DYNC2H1: variants seen among roughly 807,000 people sequenced by gnomAD.
DYNC2H1 encodes dynein cytoplasmic 2 heavy chain 1, also known as cytoplasmic dynein 2 heavy chain 1.
DYNC2H1 carries 410 observed loss-of-function variants against 570.0 expected under a neutral mutation model. The observed-to-expected ratio is 0.72, with a 90% CI of 0.66 to 0.78. The LOEUF is 0.78. Ranked by LOEUF, DYNC2H1 falls within the 30% of genes least tolerant of loss-of-function variation. DYNC2H1 has a pLI of 0.00. For missense variants in DYNC2H1, 4,865 were observed against 5,046.4 expected (o/e 0.96, Z 1.09); for synonymous variants, 1,688 against 1,677.6 (o/e 1.01, Z -0.15).
Position 103,121,470 on chromosome 11 carries a change from G to A in DYNC2H1, c.1459G>A (p.Val487Ile), listed in dbSNP as rs775753303. The change falls in exon 10 of 89, where the codon GTT becomes ATT. Residue 487 changes from valine (V) to isoleucine (I), a missense_variant. Around this residue, in one of 5 missense-constraint regions of DYNC2H1, gnomAD observed 1,936 missense variants for 1,962.1 expected, o/e 0.99. Coordinates refer to ENST00000375735, the MANE Select transcript of DYNC2H1 (RefSeq NM_001377.3). ...TCTTTCAGAAGTTGTCAACAGTATA[G>A]TTTGGGTTCGCCAGTTGGAATTGAA... ...KNLSEVVNSIVWVRQLELKVD... is the reference protein window; with the variant it reads ...KNLSEVVNSIIWVRQLELKVD... 3.5e-5 allele frequency: 56 copies of A among 1,612,914 alleles called. No homozygotes were observed. In the South Asian group the frequency reaches 4.5e-4, roughly 13 times the overall value.
At chr11:103,421,376 C>A (rs1943483413) in intron 84 of DYNC2H1, among the ~76,000 whole-genome samples, 1 of 152,086 alleles carries the variant, frequency 6.6e-6, no homozygotes, top group Non-Finnish European at 1.5e-5. Flanking sequence ...ATACGACTCT[C>A]CACCCAAAAA....
At chr11:103,423,575 TAAAAAG>T (rs1439264551) in intron 84 of DYNC2H1, among the ~76,000 whole-genome samples, 8 of 151,790 alleles carry the variant, frequency 5.3e-5, no homozygotes, top group African/African-American at 1.9e-4. Context: ...AAATGAACTA[TAAAAAG>T]AAAAAGTGAT....
rs1219823176 is a variant in DYNC2H1, at chr11:103,114,223, G to A, written c.487G>A (p.Glu163Lys). ...TAACTTAACAAAATTGAAATTTAAG[G>A]AAGATGACACACGAGGTATATAACC... ...DTNLTKLKFK[E>K]DDTRGILTPS... The change falls in exon 3 of 89, where the codon GAA becomes AAA. Residue 163 changes from glutamate (E) to lysine (K), a missense_variant. Coordinates refer to ENST00000375735, the MANE Select transcript of DYNC2H1 (RefSeq NM_001377.3). 3 of 1,592,928 alleles carry A rather than the reference G, an allele frequency of 1.9e-6. No individual in the cohort carries two copies. In the East Asian group the frequency reaches 6.8e-5, roughly 36 times the overall value.
chr11:103,441,993 C>G (rs1944287692), intron 85 of DYNC2H1, among the ~76,000 whole-genome samples: 1 of 152,036 alleles, frequency 6.6e-6, no homozygotes, highest in African/African-American at 2.4e-5. Context: ...ACAGCAAGTA[C>G]TCAGTAAAAT....
At chr11:103,373,814 G>A (rs1460257839) in intron 83 of DYNC2H1, among the ~76,000 whole-genome samples, 2 of 152,110 alleles carry the variant, frequency 1.3e-5, no homozygotes, top group African/African-American at 2.4e-5. Context: ...ATATTTCAGT[G>A]TCTGTTTCCT....
chr11:103,456,029 A>C (rs1944773496), intron 86 of DYNC2H1, among the ~76,000 whole-genome samples: 1 of 152,114 alleles, frequency 6.6e-6, no homozygotes, highest in Non-Finnish European at 1.5e-5. Context: ...TGGTCAAAAC[A>C]GGATTTAAAA....
intron 65 of DYNC2H1, among the ~76,000 whole-genome samples, chr11:103,250,965 T>C (rs1565431561): frequency 6.6e-6 from 1 of 152,072 alleles, no homozygotes; most frequent in Non-Finnish European, 1.5e-5. Context: ...GGTTATTTTT[T>C]ATAAATGTTC....
chr11:103,296,529 A>C (rs972443807), intron 75 of DYNC2H1, among the ~76,000 whole-genome samples: 8 of 152,286 alleles, frequency 5.3e-5, no homozygotes, highest in Non-Finnish European at 1.2e-4. Context: ...AGCATTTTTG[A>C]GAAAATAGAA....
At position 103,126,055 on chromosome 11, in the gene DYNC2H1, G is replaced by GT. The variant is rs1353410608; in HGVS notation, c.1857+766dup. ...CTCATATTGTGTCTTGATTTTTTTC[G>GT]TTTTTTCTTTGACTTGATTATTATA... On this transcript the variant is annotated intron_variant, in intron 12 of 88. Transcript: ENST00000375735. Among the ~76,000 whole-genome samples the GT allele has an allele frequency of 5.3e-5, 8 of 151,764 alleles. No homozygotes were observed. In the East Asian group the frequency reaches 1.2e-3, roughly 22 times the overall value.
rs1220414673 is a variant in DYNC2H1, at chr11:103,249,074, T to C, written c.10042+3700T>C. 6.6e-6 allele frequency among the ~76,000 whole-genome samples: 1 copy of C among 152,006 alleles called. No individual in the cohort carries two copies. Among genetic ancestry groups the C allele is most frequent in the Admixed American group, 6.6e-5 (1 of 15,212 alleles). On this transcript the variant is annotated intron_variant, in intron 65 of 88. Transcript: ENST00000375735. This position sits in a 1 kb window ranked among gnomAD's most constrained non-coding sequence, Gnocchi z 4.6. ...GAGGAAAAAAGTAGTCAAAATTAAC[T>C]GCATCACAGGTTAATTCCAATGTAA...
Position 103,385,754 on chromosome 11 carries a change from A to C in DYNC2H1, c.12157-13909A>C, listed in dbSNP as rs115551985. ...TTATTTACGTACCACAGTGTTCTTT[A>C]AAATTCAGTCACATTACATTTCCTA... is the stretch of plus-strand genomic sequence containing the variant. On this transcript the variant is annotated intron_variant, in intron 83 of 88. Coordinates refer to ENST00000375735, the MANE Select transcript of DYNC2H1 (RefSeq NM_001377.3). Among the ~76,000 whole-genome samples the C allele has an allele frequency of 9.0e-3, 1,365 of 152,326 alleles. 14 individuals carry two copies. Among genetic ancestry groups the C allele is most frequent in the African/African-American group, 0.031 (1,295 of 41,574 alleles).
chr11:103,238,587 A>G (rs1417321315), intron 63 of DYNC2H1, among the ~76,000 whole-genome samples: 3 of 148,602 alleles, frequency 2.0e-5, no homozygotes, highest in Admixed American at 6.9e-5. Flanking sequence ...ACACATACAC[A>G]CACACACACA....
Position 103,362,515 on chromosome 11 carries a change from A to G in DYNC2H1, c.12156+4156A>G, listed in dbSNP as rs941575736. On this transcript the variant is annotated intron_variant, in intron 83 of 88. Coordinates refer to ENST00000375735, the MANE Select transcript of DYNC2H1 (RefSeq NM_001377.3). ...GTTTTTAATTATTAGCTCAATCAAG[A>G]TATATGAAATATTTTTCCCACTTTT... 1.3e-3 allele frequency among the ~76,000 whole-genome samples: 204 copies of G among 151,920 alleles called. 1 individual carries two copies. The highest frequency in any genetic ancestry group is 1.5e-3 in the Non-Finnish European group (103 of 67,974).
At chr11:103,443,101 T>A (rs1944320291) in intron 85 of DYNC2H1, among the ~76,000 whole-genome samples, 1 of 151,986 alleles carries the variant, frequency 6.6e-6, no homozygotes, top group Non-Finnish European at 1.5e-5. Flanking sequence ...AAGAAATGAT[T>A]GACAGTTTTT....
intron 12 of DYNC2H1, 35 bp from the exon 13 acceptor site, chr11:103,128,875 T>C (rs780708561): frequency 7.1e-7 from 1 of 1,403,012 alleles, no homozygotes; most frequent in South Asian, 1.3e-5. Flanking sequence ...AAAATGAAGT[T>C]ATTAATTATT....
intron 82 of DYNC2H1, among the ~76,000 whole-genome samples, chr11:103,331,036 C>T (rs1296901895): frequency 6.6e-6 from 1 of 152,110 alleles, no homozygotes; most frequent in Non-Finnish European, 1.5e-5. Context: ...TTCTTTGAAC[C>T]TCTCAGAGAT....
At chr11:103,122,271 G>A (rs1858760393) in intron 10 of DYNC2H1, among the ~76,000 whole-genome samples, 1 of 152,116 alleles carries the variant, frequency 6.6e-6, no homozygotes, top group Non-Finnish European at 1.5e-5. Context: ...CAGCATGTTC[G>A]ACATTTCTGC....
chr11:103,333,078 T>C (rs983879157), intron 82 of DYNC2H1, among the ~76,000 whole-genome samples: 1 of 152,126 alleles, frequency 6.6e-6, no homozygotes, highest in Non-Finnish European at 1.5e-5. Context: ...CAGGAAGTTC[T>C]TCAAACAGAA....
intron 83 of DYNC2H1, among the ~76,000 whole-genome samples, chr11:103,370,513 G>A (rs1941102017): frequency 1.3e-5 from 2 of 152,134 alleles, no homozygotes. Flanking sequence ...GCAGGCCTTG[G>A]CAAGACCTAG....
Sources: allele counts gnomAD v4.1 joint callset (sites outside exome capture counted in the v4.1 genomes callset), GRCh38; gene constraint gnomAD v4.1.1; regional missense constraint gnomAD v4.1.1; non-coding constraint Gnocchi (gnomAD v3.1); transcripts MANE v1.5; gene names NCBI Gene and HGNC (gene_info 2026-07-23, HGNC 2026-07-21).